Variants in IGSF5 observed in about 807,000 individuals in gnomAD.
The protein encoded by IGSF5 is immunoglobulin superfamily member 5, also known as immunoglobulin superfamily 5 like.
Under a neutral mutation model 39.4 loss-of-function variants are expected in IGSF5, and 41 were observed. That is an observed-to-expected ratio of 1.04 (90% CI 0.81 to 1.35). The LOEUF (loss-of-function observed/expected upper bound fraction) is 1.35. Among genes scored for constraint, IGSF5 ranks in the 40% most tolerant of loss-of-function variants. The probability of loss-of-function intolerance (pLI) is 0.00; values close to 1 mark genes in which losing one functional copy is unlikely to be tolerated. For missense variants in IGSF5, 487 were observed against 494.6 expected, an observed-to-expected ratio of 0.98 and a Z score of 0.15; for synonymous variants, 183 against 175.3, an observed-to-expected ratio of 1.04 and a Z score of -0.34.
the IGSF5 span, among the ~76,000 whole-genome samples, chr21:39,719,668 G>T: frequency 6.6e-6 from 1 of 152,178 alleles, no homozygotes; most frequent in Non-Finnish European, 1.5e-5. Context: ...ACACCAATAC[G>T]ACTTAACACT....
At chr21:39,748,946 T>C (rs1489901794) in intron 2 of IGSF5, among the ~76,000 whole-genome samples, 1 of 152,196 alleles carries the variant, frequency 6.6e-6, no homozygotes, top group Non-Finnish European at 1.5e-5. Context: ...TGTCTGGTTA[T>C]TGTATAACAC....
chr21:39,798,326 T>C (rs16998550), intron 8 of IGSF5, among the ~76,000 whole-genome samples: 16,905 of 152,284 alleles, frequency 0.11, 1,120 homozygotes, highest in African/African-American at 0.17. Context: ...TTGCCCAGCA[T>C]CCTGAGGCCT....
chr21:39,745,141 CTCTCTCTCTCTCTTCA>C (rs2079967049), upstream of IGSF5, among the ~76,000 whole-genome samples: 3 of 143,990 alleles, frequency 2.1e-5, no homozygotes, highest in South Asian at 2.5e-4. Flanking sequence ...GCCTCTCTGT[CTCTCTCTCTCTCTTCA>C]TCTCTCTCTC....
In IGSF5 at chr21:39,771,115, C is replaced by T; in HGVS notation, c.618C>T (p.Thr206=). The change falls in exon 4 of 9, where the codon ACC becomes ACT. Residue 206 remains threonine, a synonymous_variant. Coordinates refer to ENST00000380588, the MANE Select transcript of IGSF5 (RefSeq NM_001080444.2). Reference sequence around the variant, plus strand: ...GTGCAGTGAGCATCCTGGCTCTGACCCCACAGAGCAATGGGACTTTGACTT... The same window carrying T: ...GTGCAGTGAGCATCCTGGCTCTGACTCCACAGAGCAATGGGACTTTGACTT... The part of the protein sequence containing the change: ...LQSAVSILAL[T]PQSNGTLTCV... 6.2e-7 allele frequency: 1 copy of T among 1,612,702 alleles called. No individual in the cohort carries two copies. The highest frequency in any genetic ancestry group is 8.5e-7 in the Non-Finnish European group (1 of 1,179,344).
At chr21:39,763,427 TG>T (rs2080070497) in intron 2 of IGSF5, among the ~76,000 whole-genome samples, 1 of 152,202 alleles carries the variant, frequency 6.6e-6, no homozygotes, top group African/African-American at 2.4e-5. Flanking sequence ...AGTTTCCATT[TG>T]GTGTAGCTCC....
At chr21:39,719,667 C>T in the IGSF5 span, among the ~76,000 whole-genome samples, 444 of 152,360 alleles carry the variant, frequency 2.9e-3, 2 homozygotes, top group Admixed American at 6.9e-3. Context: ...TACACCAATA[C>T]GACTTAACAC....
intron 8 of IGSF5, among the ~76,000 whole-genome samples, chr21:39,798,021 C>T (rs531497332): frequency 9.2e-5 from 14 of 152,028 alleles, no homozygotes; most frequent in Non-Finnish European, 1.9e-4. Flanking sequence ...AAATATGCCC[C>T]CAGGACGGGG....
At chr21:39,712,112 G>A in the IGSF5 span, among the ~76,000 whole-genome samples, 5 of 152,098 alleles carry the variant, frequency 3.3e-5, no homozygotes, top group African/African-American at 7.2e-5. Context: ...TAGACCTTCT[G>A]GGGACACAAT....
chr21:39,756,286 T>C (rs528862106), intron 2 of IGSF5, among the ~76,000 whole-genome samples: 7 of 152,332 alleles, frequency 4.6e-5, no homozygotes, highest in Admixed American at 4.6e-4. Context: ...GGCCTGAGAA[T>C]CTTTGCTGTC....
intron 6 of IGSF5, among the ~76,000 whole-genome samples, chr21:39,789,458 C>A (rs1245774876): frequency 1.3e-5 from 2 of 152,172 alleles, no homozygotes; most frequent in Non-Finnish European, 2.9e-5. Context: ...AGCCCTTGAA[C>A]TTAGGTGAGA....
intron 2 of IGSF5, among the ~76,000 whole-genome samples, chr21:39,756,149 T>C (rs989126649): frequency 3.9e-5 from 6 of 152,264 alleles, no homozygotes; most frequent in East Asian, 3.9e-4. Flanking sequence ...CAAGTAGTTA[T>C]AGTTTAGTGC....
At chr21:39,733,103 A>G in the IGSF5 span, among the ~76,000 whole-genome samples, 2 of 152,144 alleles carry the variant, frequency 1.3e-5, no homozygotes, top group African/African-American at 2.4e-5. Context: ...ATATAGTACC[A>G]AAGACAAAAT....
At chr21:39,757,113 G>A (rs754358472) in intron 2 of IGSF5, among the ~76,000 whole-genome samples, 1 of 151,794 alleles carries the variant, frequency 6.6e-6, no homozygotes, top group East Asian at 2.0e-4. Context: ...CCAATGCGGC[G>A]GCTGTTGTCT....
chr21:39,746,510 G>A (rs1232397169), intron 2 of IGSF5, among the ~76,000 whole-genome samples: 3 of 152,150 alleles, frequency 2.0e-5, no homozygotes, highest in African/African-American at 7.2e-5. Flanking sequence ...TTATTTTGGG[G>A]TGGCATATCC....
rs1460665309 is a variant in IGSF5, at chr21:39,801,734, T to C, written c.*377T>C. On this transcript the variant is annotated 3_prime_UTR_variant, in exon 9 of 9. Transcript: ENST00000380588. ...ATTATCTGAAAGCATATGAAGATGA[T>C]ATTTATGTATATTTAATATGTAGGG... 1.2e-5 allele frequency: 2 copies of C among 162,196 alleles called. No individual in the cohort carries two copies. Among genetic ancestry groups the C allele is most frequent in the East Asian group, 3.5e-4 (2 of 5,790 alleles). The allele number at this position is 162,196 out of a possible 1,614,324, so 10.0% of individuals were successfully genotyped here.
chr21:39,755,834 T>C (rs2080026880), intron 2 of IGSF5, among the ~76,000 whole-genome samples: 1 of 152,060 alleles, frequency 6.6e-6, no homozygotes. Flanking sequence ...CTGGGAGTGG[T>C]GGCTCATGCC....
intron 5 of IGSF5, among the ~76,000 whole-genome samples, chr21:39,785,731 C>A (rs1153336): frequency 6.6e-6 from 1 of 151,514 alleles, no homozygotes; most frequent in African/African-American, 2.4e-5. Context: ...CTTTTATTTC[C>A]TTGAGCAGTG....
upstream of IGSF5, among the ~76,000 whole-genome samples, chr21:39,744,126 C>T (rs2079960387): frequency 3.3e-5 from 5 of 152,132 alleles, no homozygotes; most frequent in Admixed American, 3.3e-4. Flanking sequence ...TTACACTCAC[C>T]GATGTAGCAG....
intron 8 of IGSF5, 44 bp downstream of exon 8, chr21:39,793,657 T>C (rs1310890127): frequency 3.5e-6 from 5 of 1,446,106 alleles, no homozygotes; most frequent in Non-Finnish European, 4.8e-6. Flanking sequence ...TTTTGGCTAT[T>C]TAAAAATTCT....
Sources: allele counts gnomAD v4.1 joint callset (sites outside exome capture counted in the v4.1 genomes callset), GRCh38; gene constraint gnomAD v4.1.1; transcripts MANE v1.5; gene names NCBI Gene and HGNC (gene_info 2026-07-23, HGNC 2026-07-21).